The following CA10 variants were observed in gnomAD, a reference collection of about 807,000 sequenced individuals.
The protein encoded by CA10 is carbonic anhydrase-related protein 10.
CA10 carries 14 observed loss-of-function variants against 44.2 expected under a neutral mutation model. The observed-to-expected ratio is 0.32, with a 90% CI of 0.21 to 0.50. The LOEUF is 0.50. CA10 is among the 20% of genes least tolerant of loss of function. The pLI, the probability that CA10 is intolerant of heterozygous loss-of-function variation, is 0.99. For missense variants in CA10, 350 were observed against 409.7 expected (o/e 0.85, Z 1.26); for synonymous variants, 159 against 141.6 (o/e 1.12, Z -0.87).
chr17:51,908,208 T>G (rs1981643229), intron 3 of CA10, among the ~76,000 whole-genome samples: 1 of 152,094 alleles, frequency 6.6e-6, no homozygotes, highest in Non-Finnish European at 1.5e-5. Flanking sequence ...AGATGAAACT[T>G]GCAGTTAGTT....
upstream of CA10, chr17:52,159,513 C>G (rs551583503): frequency 1.2e-3 from 176 of 152,320 alleles, 1 homozygote; most frequent in African/African-American, 3.9e-3. Flanking sequence ...TAGGGAAGCT[C>G]TAGTGCTTTG....
At chr17:51,973,712 C>T (rs971549477) in intron 2 of CA10, among the ~76,000 whole-genome samples, 27 of 152,284 alleles carry the variant, frequency 1.8e-4, no homozygotes, top group African/African-American at 6.3e-4. Context: ...GTCTCCACAG[C>T]ATAAATCTGA....
At chr17:51,705,808 G>A (rs1915745032) in intron 4 of CA10, among the ~76,000 whole-genome samples, 1 of 152,138 alleles carries the variant, frequency 6.6e-6, no homozygotes, top group South Asian at 2.1e-4. Flanking sequence ...GCTGACGGAG[G>A]GTAGAGGTGA....
At chr17:51,762,834 A>G (rs1203611358) in intron 3 of CA10, 1 of 152,178 alleles carries the variant, frequency 6.6e-6, no homozygotes, top group Non-Finnish European at 1.5e-5. Flanking sequence ...GAAACAAATC[A>G]TGTTTTAAAA....
At chr17:51,883,247 TTCTC>T (rs1440253403) in intron 3 of CA10, among the ~76,000 whole-genome samples, 1 of 152,172 alleles carries the variant, frequency 6.6e-6, no homozygotes, top group African/African-American at 2.4e-5. Flanking sequence ...TAAATTTTCT[TTCTC>T]TCTTCTAATT....
chr17:52,115,152 C>T (rs1049136316), intron 1 of CA10, among the ~76,000 whole-genome samples: 1 of 152,232 alleles, frequency 6.6e-6, no homozygotes, highest in Non-Finnish European at 1.5e-5. Flanking sequence ...TCTTCAGCTC[C>T]TGTGTGGTGG....
At chr17:51,914,519 A>C (rs568837215) in intron 3 of CA10, among the ~76,000 whole-genome samples, 1 of 152,286 alleles carries the variant, frequency 6.6e-6, no homozygotes, top group African/African-American at 2.4e-5. Flanking sequence ...CAGACATGTA[A>C]CACCACTCCT....
intron 3 of CA10, among the ~76,000 whole-genome samples, chr17:51,910,830 T>C (rs1268892086): frequency 6.6e-6 from 1 of 152,168 alleles, no homozygotes; most frequent in Non-Finnish European, 1.5e-5. Context: ...CCCAAACTGC[T>C]CATAAAATTA....
In CA10 at chr17:52,084,507, T is replaced by C. The variant is rs181918151; in HGVS notation, c.62-12114A>G. On this transcript the variant is annotated intron_variant, in intron 1 of 8. Coordinates refer to ENST00000451037, the MANE Select transcript of CA10 (RefSeq NM_020178.5). Reference sequence around the variant, plus strand: ...ATAAATAACCAAGACCAAACTAAAATTTGGAACTTGAATTGTCTGGAGAGT... The same window carrying C: ...ATAAATAACCAAGACCAAACTAAAACTTGGAACTTGAATTGTCTGGAGAGT... Among the ~76,000 whole-genome samples the C allele has an allele frequency of 2.0e-4, 30 of 152,240 alleles. No individual in the cohort carries two copies. The East Asian group carries it at 5.4e-3, about 27-fold the overall frequency.
chr17:51,748,943 T>C (rs926604533), intron 3 of CA10, among the ~76,000 whole-genome samples: 1 of 152,212 alleles, frequency 6.6e-6, no homozygotes, highest in Non-Finnish European at 1.5e-5. Context: ...CAGTGACTCA[T>C]TTTGTTTCCT....
At chr17:51,638,716 A>G (rs1290413008) in intron 6 of CA10, among the ~76,000 whole-genome samples, 2 of 152,174 alleles carry the variant, frequency 1.3e-5, no homozygotes, top group Admixed American at 1.3e-4. Context: ...CAATGACATA[A>G]ATCTGCATTG....
chr17:51,774,109 T>A (rs1208048043), intron 3 of CA10, among the ~76,000 whole-genome samples: 1 of 152,218 alleles, frequency 6.6e-6, no homozygotes, highest in Non-Finnish European at 1.5e-5. Context: ...AATGTCCTCT[T>A]GTTGTCAAGA....
At chr17:51,816,452 A>G (rs1907567285) in intron 3 of CA10, among the ~76,000 whole-genome samples, 1 of 152,200 alleles carries the variant, frequency 6.6e-6, no homozygotes, top group Non-Finnish European at 1.5e-5. Context: ...TTGCTGGATC[A>G]TATGGTAGCT....
chr17:51,723,953 C>G (rs1916436418), intron 4 of CA10, among the ~76,000 whole-genome samples: 1 of 152,168 alleles, frequency 6.6e-6, no homozygotes, highest in Non-Finnish European at 1.5e-5. Context: ...GCGAGAGAAG[C>G]CAAGGGCTCT....
intron 3 of CA10, among the ~76,000 whole-genome samples, chr17:51,908,784 A>G (rs1981669459): frequency 6.6e-6 from 1 of 152,194 alleles, no homozygotes; most frequent in Non-Finnish European, 1.5e-5. Context: ...TCACTGGATT[A>G]AAACCCAGAG....
intron 1 of CA10, chr17:52,134,938 C>T (rs746954377): frequency 6.2e-5 from 32 of 519,062 alleles, no homozygotes; most frequent in Middle Eastern, 6.4e-4. Flanking sequence ...ACATCCTGAA[C>T]GGCTCCTGAT....
chr17:51,761,207 C>T (rs559351363), intron 3 of CA10: 1 of 152,242 alleles, frequency 6.6e-6, no homozygotes, highest in East Asian at 1.9e-4. Flanking sequence ...TATTTGTTTC[C>T]TACCCCCAAA....
At chr17:52,088,169 GC>G in intron 1 of CA10, among the ~76,000 whole-genome samples, 1 of 152,106 alleles carries the variant, frequency 6.6e-6, no homozygotes, top group African/African-American at 2.4e-5. Flanking sequence ...TGTAAAACAA[GC>G]CCTCTTGACA....
At chr17:52,008,917 T>C (rs1985693336) in intron 2 of CA10, among the ~76,000 whole-genome samples, 1 of 151,998 alleles carries the variant, frequency 6.6e-6, no homozygotes, top group East Asian at 1.9e-4. Flanking sequence ...ACCTAAATAC[T>C]AGACCATGAG....
Sources: allele counts gnomAD v4.1 joint callset (sites outside exome capture counted in the v4.1 genomes callset), GRCh38; gene constraint gnomAD v4.1.1; transcripts MANE v1.5; gene names NCBI Gene and HGNC (gene_info 2026-07-23, HGNC 2026-07-21).